The following DPP10 variants were observed in gnomAD, a reference collection of about 807,000 sequenced individuals.
The protein encoded by DPP10 is inactive dipeptidyl peptidase 10.
Under a neutral mutation model 120.9 loss-of-function variants are expected in DPP10, and 33 were observed. The observed-to-expected ratio is 0.27, with a 90% CI of 0.21 to 0.37. The LOEUF (loss-of-function observed/expected upper bound fraction) is 0.37, where lower values mean the gene tolerates loss of function less well. DPP10 is among the 10% of genes least tolerant of loss of function. The pLI, the probability that DPP10 is intolerant of heterozygous loss-of-function variation, is 1.00. For synonymous variants in DPP10, 337 were observed against 326.1 expected, an observed-to-expected ratio of 1.03 and a Z score of -0.36; for missense variants, 816 against 942.8, an observed-to-expected ratio of 0.87 and a Z score of 1.76.
intron 1 of DPP10, among the ~76,000 whole-genome samples, chr2:114,840,501 T>A (rs1209373662): frequency 6.6e-6 from 1 of 152,148 alleles, no homozygotes; most frequent in Non-Finnish European, 1.5e-5. Flanking sequence ...AGACCTCGAA[T>A]TTTAAAATAT....
At chr2:114,577,274 C>T (rs1234703467) in intron 1 of DPP10, among the ~76,000 whole-genome samples, 1 of 152,216 alleles carries the variant, frequency 6.6e-6, no homozygotes, top group Admixed American at 6.5e-5. Context: ...AGTAATTTGT[C>T]AAAGAGCACA....
chr2:114,451,903 C>G (rs1678300851), intron 1 of DPP10, among the ~76,000 whole-genome samples: 1 of 152,056 alleles, frequency 6.6e-6, no homozygotes, highest in African/African-American at 2.4e-5. Context: ...TTAGTATTAG[C>G]CAGACAGGTT....
intron 1 of DPP10, among the ~76,000 whole-genome samples, chr2:115,149,258 G>A (rs1265836781): frequency 6.6e-6 from 1 of 152,080 alleles, no homozygotes; most frequent in East Asian, 1.9e-4. Flanking sequence ...TATTTTCTTG[G>A]TGATTATAAA....
At chr2:115,011,830 C>A (rs1446795347) in intron 1 of DPP10, among the ~76,000 whole-genome samples, 1 of 152,164 alleles carries the variant, frequency 6.6e-6, no homozygotes. Flanking sequence ...CCCTGAGACA[C>A]TGAAAACCTG....
At chr2:114,875,727 C>T (rs1691095701) in intron 1 of DPP10, among the ~76,000 whole-genome samples, 1 of 152,094 alleles carries the variant, frequency 6.6e-6, no homozygotes, top group Non-Finnish European at 1.5e-5. Context: ...AATTGAATTA[C>T]TAAAATCCTT....
chr2:115,602,201 A>C (rs921310919), intron 5 of DPP10, among the ~76,000 whole-genome samples: 3 of 152,196 alleles, frequency 2.0e-5, no homozygotes, highest in African/African-American at 4.8e-5. Flanking sequence ...GACTCTCATG[A>C]TCACCTTCAC....
At chr2:114,945,674 G>A (rs1410877168) in intron 1 of DPP10, among the ~76,000 whole-genome samples, 1 of 152,052 alleles carries the variant, frequency 6.6e-6, no homozygotes, top group East Asian at 1.9e-4. Context: ...AAATTAGCTG[G>A]GCATGGCGGC....
chr2:114,674,686 G>T (rs886919931), intron 1 of DPP10, among the ~76,000 whole-genome samples: 4 of 152,108 alleles, frequency 2.6e-5, no homozygotes, highest in Non-Finnish European at 2.9e-5. Flanking sequence ...TGGAAAGATG[G>T]ACTAGATGCG....
intron 1 of DPP10, among the ~76,000 whole-genome samples, chr2:114,876,398 C>G (rs1005082371): frequency 6.6e-6 from 1 of 152,184 alleles, no homozygotes; most frequent in South Asian, 2.1e-4. Context: ...CAGCTTCCCT[C>G]TAATCATGGG....
At chr2:115,198,420 A>G (rs960134384) in intron 1 of DPP10, among the ~76,000 whole-genome samples, 10 of 152,194 alleles carry the variant, frequency 6.6e-5, no homozygotes, top group Admixed American at 1.3e-4. Flanking sequence ...GTAGTAGTGT[A>G]TGTACTCACA....
At chr2:115,066,588 A>G (rs1226668109) in intron 1 of DPP10, 2 of 152,144 alleles carry the variant, frequency 1.3e-5, no homozygotes, top group Non-Finnish European at 2.9e-5. Flanking sequence ...AAACTGTTAG[A>G]ATAACATATG....
intron 1 of DPP10, among the ~76,000 whole-genome samples, chr2:114,586,401 C>T (rs535020673): frequency 7.2e-5 from 11 of 152,306 alleles, no homozygotes; most frequent in Admixed American, 2.0e-4. Flanking sequence ...AGCATCCCTG[C>T]GTCACGTCTT....
rs540559802 is a variant in DPP10, at chr2:115,523,370, A to G, written c.367-2528A>G. On this transcript the variant is annotated intron_variant, in intron 4 of 25. Transcript: ENST00000410059. ...GGGAGGTGAGATTTCCTTCAAATTAATTCAGACTTTAGTCAGAGAAGCTCT... is the reference window on the plus strand; with the variant it reads ...GGGAGGTGAGATTTCCTTCAAATTAGTTCAGACTTTAGTCAGAGAAGCTCT... Among the ~76,000 whole-genome samples, 5 of 133,184 alleles carry G rather than the reference A, an allele frequency of 3.8e-5. No homozygotes were observed. The South Asian group carries it at 1.3e-3, about 34-fold the overall frequency. 87.4% of individuals were successfully genotyped at this position (133,184 alleles called of 152,430 possible).
At chr2:115,709,500 C>T (rs1399690170) in intron 7 of DPP10, among the ~76,000 whole-genome samples, 1 of 151,926 alleles carries the variant, frequency 6.6e-6, no homozygotes, top group Admixed American at 6.6e-5. Context: ...CATACAAATA[C>T]ACCTATCTTA....
intron 1 of DPP10, among the ~76,000 whole-genome samples, chr2:114,605,988 C>A (rs1179737049): frequency 6.6e-6 from 1 of 152,048 alleles, no homozygotes; most frequent in East Asian, 1.9e-4. Flanking sequence ...CTGTTATGAA[C>A]AAGGCTTAAC....
intron 5 of DPP10, among the ~76,000 whole-genome samples, chr2:115,592,561 C>T (rs1005801231): frequency 6.6e-4 from 95 of 143,222 alleles, no homozygotes; most frequent in African/African-American, 1.8e-3. Context: ...GGTGAAACCC[C>T]GTCTCTGCTA....
chr2:115,418,504 C>T (rs2069634174), intron 3 of DPP10, among the ~76,000 whole-genome samples: 1 of 152,120 alleles, frequency 6.6e-6, no homozygotes, highest in Non-Finnish European at 1.5e-5. Flanking sequence ...GGTACATTGG[C>T]TCACATCTGT....
chr2:115,816,560 G>C (rs1687248035), intron 21 of DPP10, among the ~76,000 whole-genome samples: 1 of 151,864 alleles, frequency 6.6e-6, no homozygotes, highest in African/African-American at 2.4e-5. Flanking sequence ...TTTGACAGTG[G>C]GAAAATAGAC....
At chr2:114,918,145 G>C (rs1694938694) in intron 1 of DPP10, among the ~76,000 whole-genome samples, 3 of 152,130 alleles carry the variant, frequency 2.0e-5, no homozygotes. Flanking sequence ...CAAAGGACAT[G>C]AATAGACACT....
Sources: allele counts gnomAD v4.1 joint callset (sites outside exome capture counted in the v4.1 genomes callset), GRCh38; gene constraint gnomAD v4.1.1; transcripts MANE v1.5; gene names NCBI Gene and HGNC (gene_info 2026-07-23, HGNC 2026-07-21).